BBS5: variants seen among roughly 807,000 people sequenced by gnomAD.
BBS5 encodes the protein Bardet-Biedl syndrome 5.
A neutral mutation model predicts 50.2 loss-of-function variants in BBS5; 39 were observed. That is an observed-to-expected ratio of 0.78 (90% CI 0.60 to 1.01). The LOEUF (loss-of-function observed/expected upper bound fraction) is 1.01. Ranked by LOEUF, BBS5 falls within the 50% of genes least tolerant of loss-of-function variation. The pLI is 0.00. For synonymous variants in BBS5, 134 were observed against 133.1 expected (o/e 1.01, Z -0.05); for missense variants, 356 against 401.5 (o/e 0.89, Z 0.97).
At chr2:169,487,198 G>A in intron 3 of BBS5, 64 bp downstream of exon 3, 2 of 1,041,710 alleles carry the variant, frequency 1.9e-6, no homozygotes, top group East Asian at 4.7e-5. Flanking sequence ...TTTGCATGGT[G>A]CCTTTGATAC....
intron 2 of BBS5, among the ~76,000 whole-genome samples, chr2:169,486,487 A>T (rs1440876839): frequency 1.3e-5 from 2 of 152,214 alleles, no homozygotes; most frequent in African/African-American, 4.8e-5. Flanking sequence ...ATTTCAGTGT[A>T]TGAACATCAG....
chr2:169,484,901 A>G (rs1683463705), intron 2 of BBS5, among the ~76,000 whole-genome samples: 1 of 152,222 alleles, frequency 6.6e-6, no homozygotes, highest in Non-Finnish European at 1.5e-5. Context: ...ATACTTTGGT[A>G]TTAGGCAGGG....
At chr2:169,495,601 C>G (rs1169404878) in intron 7 of BBS5, among the ~76,000 whole-genome samples, 2 of 152,210 alleles carry the variant, frequency 1.3e-5, no homozygotes, top group East Asian at 3.9e-4. Context: ...GCCTGTGTCA[C>G]CCACAGACAC....
At chr2:169,488,245 G>T in intron 5 of BBS5, 131 bp downstream of exon 5, 1 of 849,142 alleles carries the variant, frequency 1.2e-6, no homozygotes, top group South Asian at 1.5e-5. Context: ...ATTGGGTGAG[G>T]GTATGGTTTC....
rs1175473334 is a variant in BBS5, at chr2:169,504,704, G to GT, written c.*129dup. 9 of 1,194,602 alleles carry GT rather than the reference G, an allele frequency of 7.5e-6. No homozygotes were observed. The Admixed American group carries it at 1.1e-4, about 15-fold the overall frequency. 74.0% of individuals were successfully genotyped at this position (1,194,602 alleles called of 1,614,324 possible). A position where few individuals can be genotyped will look rare whatever the true frequency, so the allele number is the denominator to read the frequency against. ...GCTTTTATATTTAAAACTTGTAAGA[G>GT]TTTTTTTAATGATTGAGGAAAAAGT... On this transcript the variant is annotated 3_prime_UTR_variant, in exon 12 of 12. Coordinates refer to ENST00000295240, the MANE Select transcript of BBS5 (RefSeq NM_152384.3).
At chr2:169,499,908 GTC>G (rs1174994498) in intron 9 of BBS5, among the ~76,000 whole-genome samples, 10 of 152,154 alleles carry the variant, frequency 6.6e-5, no homozygotes, top group African/African-American at 2.2e-4. Context: ...ACAGACTTGA[GTC>G]TCTCACTCTG....
intron 9 of BBS5, among the ~76,000 whole-genome samples, chr2:169,501,339 T>G (rs1245760452): frequency 6.6e-6 from 1 of 152,236 alleles, no homozygotes; most frequent in African/African-American, 2.4e-5. Flanking sequence ...AGAATAATGT[T>G]GCAGAACAAG....
At chr2:169,496,062 T>C (rs1346888802) in intron 7 of BBS5, among the ~76,000 whole-genome samples, 2 of 152,216 alleles carry the variant, frequency 1.3e-5, no homozygotes, top group Non-Finnish European at 2.9e-5. Flanking sequence ...TTTCTGAGTC[T>C]CTTTCTCAAA....
At chr2:169,500,199 G>A (rs184677823) in intron 9 of BBS5, among the ~76,000 whole-genome samples, 1 of 152,162 alleles carries the variant, frequency 6.6e-6, no homozygotes, top group East Asian at 1.9e-4. Context: ...CTCTCTTTTG[G>A]CTTCATTTGT....
intron 7 of BBS5, among the ~76,000 whole-genome samples, chr2:169,495,941 T>C (rs114404270): frequency 0.047 from 7,144 of 152,292 alleles, 188 homozygotes; most frequent in East Asian, 0.1. Context: ...CCGCCCCTGG[T>C]CAGTGTTCTA....
At chr2:169,498,175 G>T (rs967898030) in intron 8 of BBS5, among the ~76,000 whole-genome samples, 1 of 152,136 alleles carries the variant, frequency 6.6e-6, no homozygotes, top group African/African-American at 2.4e-5. Flanking sequence ...ACAGTTTGAG[G>T]TCTTATATTC....
At position 169,492,923 on chromosome 2, in the gene BBS5, C is replaced by G; in HGVS notation, c.436C>G (p.Leu146Val). Residue 146 changes from leucine to valine, a missense_variant, in exon 6 of 12, where the codon CTA (leucine) becomes GTA (valine). Physicochemically the swap from Leu to Val is conservative, Grantham distance 32. Coordinates refer to ENST00000295240, the MANE Select transcript of BBS5 (RefSeq NM_152384.3). ...TCGTGATTTTAAATTAAGAAGTGCA[C>G]TAATTCAGAACAAGCAACTAAGACT... is the stretch of plus-strand genomic sequence containing the variant. ...MYRDFKLRSALIQNKQLRLLP... is the reference protein window; with the variant it reads ...MYRDFKLRSAVIQNKQLRLLP... 1 of 1,612,466 alleles carries G rather than the reference C, an allele frequency of 6.2e-7. No individual in the cohort carries two copies. Among genetic ancestry groups the G allele is most frequent in the Non-Finnish European group, 8.5e-7 (1 of 1,178,836 alleles).
chr2:169,487,951 T>TA, intron 4 of BBS5, 36 bp from the exon 5 acceptor site: 1 of 1,612,068 alleles, frequency 6.2e-7, no homozygotes, highest in South Asian at 1.1e-5. Context: ...AAATTGCTCT[T>TA]AAAATCTGAA....
chr2:169,479,682 CG>C (rs765808078), intron 1 of BBS5, 70 bp downstream of exon 1: 3 of 1,537,532 alleles, frequency 2.0e-6, no homozygotes, highest in Non-Finnish European at 2.7e-6. Context: ...TAGGGACCCG[CG>C]GGCGGAGACT....
rs1559122157 is a variant in BBS5, at chr2:169,487,857, T to C, written c.258+2T>C. Reference sequence around the variant, plus strand: ...ATTACAACAAGGACTGCTAACTCTGTAAGTCTAAAAAATCTTATTGCAATA... The same window carrying C: ...ATTACAACAAGGACTGCTAACTCTGCAAGTCTAAAAAATCTTATTGCAATA... On this transcript the variant is annotated splice_donor_variant, in intron 4 of 11. Transcript: ENST00000295240. LOFTEE classifies it high-confidence loss of function. The C allele has an allele frequency of 6.2e-7, 1 of 1,603,854 alleles. No homozygotes were observed. The highest frequency in any genetic ancestry group is 8.5e-7 in the Non-Finnish European group (1 of 1,171,552).
Position 169,505,007 on chromosome 2 carries a change from G to A in BBS5, c.*425G>A, listed in dbSNP as rs1289694992. The stretch of plus-strand genomic sequence containing the variant: ...TAAAGAACTTCTTCCCAAAATGGCC[G>A]AAGCTGGACTGTACTGCTGCCATCT... On this transcript the variant is annotated 3_prime_UTR_variant, in exon 12 of 12. Transcript: ENST00000295240. The A allele has an allele frequency of 1.1e-5, 18 of 1,604,800 alleles. No homozygotes were observed. The highest frequency in any genetic ancestry group is 1.6e-4 in the Middle Eastern group (1 of 6,074).
chr2:169,493,213 G>A (rs1425870291), intron 6 of BBS5: 10 of 611,650 alleles, frequency 1.6e-5, no homozygotes, highest in Non-Finnish European at 2.8e-5. Context: ...ATCCTGGAAT[G>A]TCTCCTTAAT....
chr2:169,487,057 G>A lies in BBS5; in HGVS notation c.143-12G>A, dbSNP rs368146538. On this transcript the variant is annotated splice_polypyrimidine_tract_variant and intron_variant, in intron 2 of 11. Transcript: ENST00000295240. ...ATTTAAGTTAACCTATTTTTTGTCT[G>A]TGTGCTTTTAGGTAGACTCTTGGTA... 1.9e-6 allele frequency: 3 copies of A among 1,600,260 alleles called. No homozygotes were observed. The highest frequency in any genetic ancestry group is 2.6e-6 in the Non-Finnish European group (3 of 1,167,954).
Position 169,491,903 on chromosome 2 carries a change from T to G in BBS5, c.387-971T>G, listed in dbSNP as rs567935008. Among the ~76,000 whole-genome samples the G allele has an allele frequency of 2.0e-5, 3 of 152,218 alleles. No individual in the cohort carries two copies. The South Asian group carries it at 6.2e-4, about 32-fold the overall frequency. ...TGTCCACCTCCTGGTTTCAAGCAAT[T>G]CTTCTGCCTCAGTCTCCCAAGTAGA... On this transcript the variant is annotated intron_variant, in intron 5 of 11. Coordinates refer to ENST00000295240, the MANE Select transcript of BBS5 (RefSeq NM_152384.3).
Sources: allele counts gnomAD v4.1 joint callset (sites outside exome capture counted in the v4.1 genomes callset), GRCh38; gene constraint gnomAD v4.1.1; transcripts MANE v1.5; gene names NCBI Gene and HGNC (gene_info 2026-07-23, HGNC 2026-07-21).